The following NCOA2 variants were observed in gnomAD, a reference collection of about 807,000 sequenced individuals.
NCOA2 encodes nuclear receptor coactivator 2.
NCOA2 carries 21 observed loss-of-function variants against 145.1 expected under a neutral mutation model. The observed-to-expected ratio is 0.14, with a 90% CI of 0.10 to 0.21. NCOA2 has a LOEUF of 0.21. Ranked by LOEUF, NCOA2 falls within the 10% of genes least tolerant of loss-of-function variation. The pLI, the probability that NCOA2 is intolerant of heterozygous loss-of-function variation, is 1.00. For missense variants in NCOA2, 1,472 were observed against 1,837.6 expected (o/e 0.80, Z 3.64); for synonymous variants, 619 against 637.5 (o/e 0.97, Z 0.44).
intron 5 of NCOA2, among the ~76,000 whole-genome samples, chr8:70,171,954 G>A (rs181763821): frequency 6.6e-6 from 1 of 152,182 alleles, no homozygotes; most frequent in African/African-American, 2.4e-5. Context: ...CTACCAAGTA[G>A]CTGGAACTAC....
chr8:70,299,767 A>G (rs1827353844), intron 1 of NCOA2, among the ~76,000 whole-genome samples: 1 of 152,224 alleles, frequency 6.6e-6, no homozygotes, highest in South Asian at 2.1e-4. Flanking sequence ...TCACTACACA[A>G]TGCAATTTTA....
the NCOA2 span, among the ~76,000 whole-genome samples, chr8:70,442,069 GGAAA>G: frequency 3.7e-5 from 3 of 81,608 alleles, no homozygotes; most frequent in Non-Finnish European, 9.2e-5. Context: ...GAGAGAAAGA[GGAAA>G]GAAAGAAAAA....
intron 1 of NCOA2, among the ~76,000 whole-genome samples, chr8:70,383,948 C>G (rs927363996): frequency 6.6e-6 from 1 of 152,174 alleles, no homozygotes; most frequent in African/African-American, 2.4e-5. Flanking sequence ...CCCTGTGGAT[C>G]TGGAAATTTT....
chr8:70,308,924 G>A (rs74461378), intron 1 of NCOA2, among the ~76,000 whole-genome samples: 5,226 of 152,206 alleles, frequency 0.034, 300 homozygotes, highest in African/African-American at 0.12. Context: ...AAGTGTAACC[G>A]CCCTTCCCCT....
At chr8:70,403,254 C>A (rs550780710) in intron 1 of NCOA2, among the ~76,000 whole-genome samples, 1 of 151,536 alleles carries the variant, frequency 6.6e-6, no homozygotes, top group South Asian at 2.1e-4. Context: ...TCCGCCGACC[C>A]CGCACCGGGC....
chr8:70,297,769 G>A (rs563585172), intron 1 of NCOA2, among the ~76,000 whole-genome samples: 10 of 152,344 alleles, frequency 6.6e-5, no homozygotes, highest in African/African-American at 2.2e-4. Flanking sequence ...TTCAGAGTCT[G>A]TGTCTTTGTG....
intron 1 of NCOA2, among the ~76,000 whole-genome samples, chr8:70,321,392 T>G (rs1039326980): frequency 2.6e-5 from 4 of 151,824 alleles, no homozygotes; most frequent in Admixed American, 1.3e-4. Context: ...ACCCCTGAGC[T>G]CCAGCACTCC....
At chr8:70,448,764 A>G in the NCOA2 span, among the ~76,000 whole-genome samples, 3 of 152,014 alleles carry the variant, frequency 2.0e-5, no homozygotes. Flanking sequence ...TGTGGTGACA[A>G]AATAAGGCAG....
chr8:70,147,996 G>C (rs1012827306), intron 12 of NCOA2, among the ~76,000 whole-genome samples: 2 of 152,146 alleles, frequency 1.3e-5, no homozygotes, highest in African/African-American at 4.8e-5. Flanking sequence ...TCACTGAAAT[G>C]AAGGGAAATA....
intron 2 of NCOA2, among the ~76,000 whole-genome samples, chr8:70,269,370 G>A (rs1824864943): frequency 6.6e-6 from 1 of 152,030 alleles, no homozygotes; most frequent in Non-Finnish European, 1.5e-5. Flanking sequence ...CCACTGCTTT[G>A]GGAGGCTAAG....
chr8:70,192,323 G>A (rs1270325301), intron 4 of NCOA2, among the ~76,000 whole-genome samples: 1 of 151,538 alleles, frequency 6.6e-6, no homozygotes, highest in Non-Finnish European at 1.5e-5. Context: ...CGGACCAGAG[G>A]AGGGGAAAAA....
Position 70,121,333 on chromosome 8 carries a change from T to A in NCOA2, c.4352A>T (p.Asp1451Val). The A allele has an allele frequency of 6.2e-7, 1 of 1,613,156 alleles. No homozygotes were observed. The highest frequency in any genetic ancestry group is 8.5e-7 in the Non-Finnish European group (1 of 1,179,522). The change falls in exon 22 of 23, where the codon GAT becomes GTT. Residue 1451 changes from aspartate (D) to valine (V), a missense_variant. Physicochemically the swap from Asp to Val is radical, Grantham distance 152 (BLOSUM62 -3). Transcript: ENST00000452400. The part of the protein sequence containing the change: ...NLFPNQLPGM[D>V]MIKQEGDTTR... ...TGTGTCTCCCTCCTGCTTAATCATA[T>A]CCATTCCAGGCAGCTGGTTTGGGAA...
At chr8:70,323,940 T>C (rs1489632615) in intron 1 of NCOA2, among the ~76,000 whole-genome samples, 1 of 152,192 alleles carries the variant, frequency 6.6e-6, no homozygotes, top group African/African-American at 2.4e-5. Context: ...CATGCTTCCC[T>C]GAACAGTCTG....
At position 70,148,275 on chromosome 8, in the gene NCOA2, C is replaced by T. The variant is rs1180344740; in HGVS notation, c.2603G>A (p.Ser868Asn). ...AQKTALRISQ[S>N]TFNNPRPGQL... ...AACCAGCCATTTCTCATACTCACTGCTCTGTGAAATTCGCAGTGCTGTTTT... is the reference window on the plus strand; with the variant it reads ...AACCAGCCATTTCTCATACTCACTGTTCTGTGAAATTCGCAGTGCTGTTTT... The change falls in exon 12 of 23, where the codon AGC becomes AAC. Residue 868 changes from serine to asparagine, a missense_variant and splice_region_variant. By Grantham distance (46) the Ser-to-Asn change is conservative. Coordinates refer to ENST00000452400, the MANE Select transcript of NCOA2 (RefSeq NM_006540.4). 10 of 1,613,530 alleles carry T rather than the reference C, an allele frequency of 6.2e-6. No individual in the cohort carries two copies. Among genetic ancestry groups the T allele is most frequent in the African/African-American group, 1.3e-5 (1 of 74,908 alleles).
chr8:70,402,486 C>G (rs1814379534), intron 1 of NCOA2: 3 of 152,248 alleles, frequency 2.0e-5, no homozygotes, highest in African/African-American at 7.2e-5. Flanking sequence ...GCCATCTAAC[C>G]AGGGACCGAC....
At chr8:70,395,212 C>A (rs150663098) in intron 1 of NCOA2, among the ~76,000 whole-genome samples, 7 of 152,280 alleles carry the variant, frequency 4.6e-5, no homozygotes, top group Middle Eastern at 3.4e-3. Flanking sequence ...AAGGTTCATA[C>A]CCAAAGTGAA....
intron 1 of NCOA2, among the ~76,000 whole-genome samples, chr8:70,313,863 G>C (rs1805323415): frequency 6.6e-6 from 1 of 152,070 alleles, no homozygotes; most frequent in Non-Finnish European, 1.5e-5. Flanking sequence ...GCCATAAACA[G>C]AAAGTAAACT....
chr8:70,214,254 T>C (rs117141010), intron 3 of NCOA2, among the ~76,000 whole-genome samples, 179 bp from the exon 4 acceptor site: 197 of 152,276 alleles, frequency 1.3e-3, no homozygotes, highest in Non-Finnish European at 2.2e-3. Context: ...TTTAAAAAAA[T>C]CAACCTAAGC....
the NCOA2 span, among the ~76,000 whole-genome samples, chr8:70,439,478 G>A: frequency 1.3e-5 from 2 of 152,100 alleles, no homozygotes; most frequent in Non-Finnish European, 2.9e-5. Flanking sequence ...TCGGGGGGAG[G>A]AAACAGCACA....
Sources: gnomAD v4.1 joint callset for allele counts (sites outside exome capture counted in the v4.1 genomes callset) on GRCh38, gnomAD v4.1.1 for gene constraint, MANE v1.5 for transcripts, NCBI Gene and HGNC (gene_info 2026-07-23, HGNC 2026-07-21) for gene names.